The following FBN3 variants were observed in gnomAD, a reference collection of about 807,000 sequenced individuals.
The protein encoded by FBN3 is fibrillin-3.
A neutral mutation model predicts 330.1 loss-of-function variants in FBN3; 234 were observed. That is an observed-to-expected ratio of 0.71 (90% confidence interval 0.64 to 0.79). FBN3 has a LOEUF of 0.79. Among genes scored for constraint, FBN3 ranks in the 30% least tolerant of loss-of-function variants. The pLI is 0.00. For synonymous variants in FBN3, 1,458 were observed against 1,517.3 expected, an observed-to-expected ratio of 0.96 and a Z score of 0.91; for missense variants, 3,606 against 3,886.9, an observed-to-expected ratio of 0.93 and a Z score of 1.92.
Position 8,102,747 on chromosome 19 carries a change from T to A in FBN3, c.5066A>T (p.Glu1689Val). ...NIGQAWNRPC[E>V]ACPTPISPDY... ...ACGACTGATGGGAGTGGGGCAGGCC[T>A]CACAGGGTCTATTCCAGGCCTGGCC... The change falls in exon 40 of 64, where the codon GAG becomes GTG. Residue 1689 changes from glutamate (E) to valine (V), a missense_variant. Glu to Val is a moderately radical substitution (Grantham distance 121). Coordinates refer to ENST00000600128, the MANE Select transcript of FBN3 (RefSeq NM_032447.5). The A allele has an allele frequency of 6.2e-7, 1 of 1,613,794 alleles. No individual in the cohort carries two copies. The highest frequency in any genetic ancestry group is 8.5e-7 in the Non-Finnish European group (1 of 1,179,946).
At chr19:8,141,583 C>T in intron 8 of FBN3, 134 bp downstream of exon 8, 1 of 1,002,884 alleles carries the variant, frequency 1.0e-6, no homozygotes, top group East Asian at 2.5e-5. Flanking sequence ...TCATTCACAT[C>T]TACATAAACA....
rs2082008179 is a variant in FBN3 at position 8,088,057 on chromosome 19, T to C, written c.6496+3A>G. 2 of 1,614,114 alleles carry C rather than the reference T, an allele frequency of 1.2e-6. No individual in the cohort carries two copies. Among genetic ancestry groups the C allele is most frequent in the Non-Finnish European group, 1.7e-6 (2 of 1,180,028 alleles). On this transcript the variant is annotated splice_donor_region_variant and intron_variant, in intron 52 of 63. Coordinates refer to ENST00000600128, the MANE Select transcript of FBN3 (RefSeq NM_032447.5). ...CCCAGGTCCTGGGCAAGCAGAGTTG[T>C]ACCCTCGCAGGTCATCATGAGGCCA...
intron 63 of FBN3, 43 bp from the exon 64 acceptor site, chr19:8,066,303 C>T (rs748271700): frequency 1.5e-5 from 21 of 1,416,856 alleles, no homozygotes; most frequent in Non-Finnish European, 1.4e-5. Context: ...CCAGGAGAAT[C>T]GGGATGTGGT....
intron 13 of FBN3, among the ~76,000 whole-genome samples, chr19:8,134,761 C>A (rs2083239475): frequency 6.6e-6 from 1 of 151,456 alleles, no homozygotes; most frequent in East Asian, 1.9e-4. Flanking sequence ...TGGTGAAACC[C>A]CATCTCTACT....
At chr19:8,130,139 C>A (rs1302398852) in intron 16 of FBN3, among the ~76,000 whole-genome samples, 1 of 151,912 alleles carries the variant, frequency 6.6e-6, no homozygotes, top group East Asian at 2.0e-4. Flanking sequence ...CTCAAGTGAT[C>A]CACCTCCCTC....
intron 8 of FBN3, among the ~76,000 whole-genome samples, chr19:8,141,068 G>A (rs12976688): frequency 0.29 from 43,817 of 150,340 alleles, 6,695 homozygotes; most frequent in South Asian, 0.48. Flanking sequence ...GGTAGCGGGC[G>A]CCTGTAGTCC....
chr19:8,121,930 G>A lies in FBN3; in HGVS notation c.3083-544C>T, dbSNP rs770057875. On this transcript the variant is annotated intron_variant, in intron 24 of 63. Transcript: ENST00000600128. The surrounding 1 kb of genome is among the most constrained non-coding windows in gnomAD (Gnocchi z 4.5). ...ATGCCCGGCTAATTTTGTATTTTTA[G>A]TAGAGATGGTGTTTCGCCATGTTGG... 2.0e-5 allele frequency among the ~76,000 whole-genome samples: 3 copies of A among 151,698 alleles called. No homozygotes were observed. Among genetic ancestry groups the A allele is most frequent in the Admixed American group, 1.3e-4 (2 of 15,154 alleles).
chr19:8,073,012 C>G, intron 62 of FBN3, 51 bp downstream of exon 62: 1 of 1,022,398 alleles, frequency 9.8e-7, no homozygotes, highest in Non-Finnish European at 1.5e-6. Context: ...TGCGTGCGTG[C>G]ATGGACGCTT....
chr19:8,135,936 G>GACCCTCC, intron 13 of FBN3, 25 bp downstream of exon 13: 1 of 668,778 alleles, frequency 1.5e-6, no homozygotes, highest in Non-Finnish European at 2.4e-6. Context: ...GGAAGCCCCT[G>GACCCTCC]CCCACCCGCC....
chr19:8,127,388 A>G (rs1309904841), intron 18 of FBN3, among the ~76,000 whole-genome samples: 1 of 152,066 alleles, frequency 6.6e-6, no homozygotes, highest in Non-Finnish European at 1.5e-5. Flanking sequence ...CTCACCTTCA[A>G]CACAACACAG....
intron 54 of FBN3, 86 bp from the exon 55 acceptor site, chr19:8,086,411 G>C (rs1442261711): frequency 3.4e-5 from 24 of 704,498 alleles, no homozygotes; most frequent in Admixed American, 1.3e-4. Context: ...CTTTGGATCT[G>C]CCCAGGCCCT....
chr19:8,145,889 C>T lies in FBN3; in HGVS notation c.399G>A (p.Ala133=), dbSNP rs374427145. The change falls in exon 5 of 64, where the codon GCG becomes GCA. Residue 133 remains alanine (A), a synonymous_variant. Transcript: ENST00000600128. The part of the protein sequence containing the change: ...SCMNGGTCRG[A]SCLCQKGYTG... ...TGTAGCCCTTCTGACACAGACAGGA[C>T]GCCCCCCGGCAGGTGCCCCCATTCA... is the stretch of plus-strand genomic sequence containing the variant. 4.3e-5 allele frequency: 66 copies of T among 1,551,262 alleles called. No homozygotes were observed. Among genetic ancestry groups the T allele is most frequent in the African/African-American group, 3.8e-4 (28 of 73,116 alleles).
At chr19:8,080,706 C>T (rs1398894954) in intron 59 of FBN3, among the ~76,000 whole-genome samples, 1 of 152,046 alleles carries the variant, frequency 6.6e-6, no homozygotes, top group Non-Finnish European at 1.5e-5. Context: ...GCAACCTCTG[C>T]CTCCCGAGTT....
chr19:8,104,259 G>A (rs986451184), intron 38 of FBN3, among the ~76,000 whole-genome samples: 4 of 151,322 alleles, frequency 2.6e-5, no homozygotes, highest in African/African-American at 9.7e-5. Context: ...ATCATTTGAG[G>A]TCAAGAGTTT....
intron 20 of FBN3, 45 bp downstream of exon 20, chr19:8,126,423 G>T (rs1220972110): frequency 6.3e-7 from 1 of 1,598,010 alleles, no homozygotes; most frequent in Non-Finnish European, 8.5e-7. Context: ...GCCCCATGGA[G>T]GGCTTTTCCC....
rs2082094564 is a variant in FBN3, at chr19:8,091,516, A to G, written c.5980T>C (p.Cys1994Arg). The change falls in exon 48 of 64, where the codon TGC (cysteine) becomes CGC (arginine). Residue 1994 changes from cysteine to arginine, a missense_variant. By Grantham distance (180) the Cys-to-Arg change is radical. Coordinates refer to ENST00000600128, the MANE Select transcript of FBN3 (RefSeq NM_032447.5). ...AGGACAAAGCCAGGTGGGCAGAGGCACTGGAAGCTCCCAGGGCTGTTGGTA... is the reference window on the plus strand; with the variant it reads ...AGGACAAAGCCAGGTGGGCAGAGGCGCTGGAAGCTCCCAGGGCTGTTGGTA... ...TCTNSPGSFQ[C>R]LCPPGFVLSD... 6.2e-7 allele frequency: 1 copy of G among 1,613,660 alleles called. No individual in the cohort carries two copies.
intron 26 of FBN3, among the ~76,000 whole-genome samples, chr19:8,118,641 G>A (rs145014613): frequency 5.9e-5 from 9 of 151,856 alleles, no homozygotes; most frequent in African/African-American, 2.2e-4. Context: ...ATGCACAAAC[G>A]CTTGCCCTTG....
At position 8,073,103 on chromosome 19, in the gene FBN3, G is replaced by A; in HGVS notation, c.7897C>T (p.Leu2633=). 6.2e-7 allele frequency: 1 copy of A among 1,613,410 alleles called. No individual in the cohort carries two copies. Among genetic ancestry groups the A allele is most frequent in the Middle Eastern group, 1.7e-4 (1 of 6,056 alleles). Reference sequence around the variant, plus strand: ...AAGTAGCCTTGAGGACAGCCGCACAGGAAGCCACCAGGCGTGTTGGCACAG... The same window carrying A: ...AAGTAGCCTTGAGGACAGCCGCACAAGAAGCCACCAGGCGTGTTGGCACAG... ...YSCANTPGGF[L]CGCPQGYFRA... Residue 2633 remains leucine, a synonymous_variant, in exon 62 of 64, where the codon CTG becomes TTG. Coordinates refer to ENST00000600128, the MANE Select transcript of FBN3 (RefSeq NM_032447.5).
At chr19:8,140,551 T>C (rs1244289296) in intron 8 of FBN3, among the ~76,000 whole-genome samples, 1 of 152,210 alleles carries the variant, frequency 6.6e-6, no homozygotes, top group Admixed American at 6.5e-5. Flanking sequence ...CTGGTGTCCA[T>C]GAATGTGTAT....
Sources: gnomAD v4.1 joint callset for allele counts (sites outside exome capture counted in the v4.1 genomes callset) on GRCh38, gnomAD v4.1.1 for gene constraint, Gnocchi (gnomAD v3.1) non-coding constraint, MANE v1.5 for transcripts, NCBI Gene and HGNC (gene_info 2026-07-23, HGNC 2026-07-21) for gene names.